Variants in BCAT1 observed in about 807,000 individuals in gnomAD.
BCAT1 encodes the protein branched-chain-amino-acid aminotransferase, cytosolic.
Under a neutral mutation model 52.4 loss-of-function variants are expected in BCAT1, and 48 were observed. The ratio of observed to expected loss-of-function variants is 0.92; its 90% CI spans 0.73 to 1.16. BCAT1 has a LOEUF of 1.16. BCAT1 is among the 50% of genes most tolerant of loss of function. The probability of loss-of-function intolerance (pLI) is 0.00; values close to 1 mark genes in which losing one functional copy is unlikely to be tolerated. For missense variants in BCAT1, 451 were observed against 457.1 expected, an observed-to-expected ratio of 0.99 and a Z score of 0.12; for synonymous variants, 167 against 161.3, an observed-to-expected ratio of 1.04 and a Z score of -0.27.
rs1465635800 is a variant in BCAT1, at chr12:24,813,467, C to T, written c.*4541G>A. The T allele has an allele frequency of 2.0e-5, 3 of 152,000 alleles. No homozygotes were observed. Among genetic ancestry groups the T allele is most frequent in the Non-Finnish European group, 4.4e-5 (3 of 67,898 alleles). 9.4% of individuals were successfully genotyped at this position (152,000 alleles called of 1,614,324 possible). ...AATAGATATTTTCTAGAAAAATTCACTCTAGGATCATTTTCTTTGTTTATT... is the reference window on the plus strand; with the variant it reads ...AATAGATATTTTCTAGAAAAATTCATTCTAGGATCATTTTCTTTGTTTATT... On this transcript the variant is annotated 3_prime_UTR_variant, in exon 11 of 11. Transcript: ENST00000261192.
intron 8 of BCAT1, chr12:24,834,437 A>G (rs1198497459): frequency 2.0e-6 from 2 of 984,004 alleles, no homozygotes; most frequent in Non-Finnish European, 2.4e-6. Context: ...TGTTTAAACT[A>G]TCTGTTTAAT....
intron 5 of BCAT1, among the ~76,000 whole-genome samples, chr12:24,872,502 TG>T (rs1942207545): frequency 6.6e-6 from 1 of 152,270 alleles, no homozygotes; most frequent in African/African-American, 2.4e-5. Context: ...TTATATTGTG[TG>T]CATCCAATGC....
intron 1 of BCAT1, among the ~76,000 whole-genome samples, chr12:24,912,398 T>C (rs946963788): frequency 6.6e-6 from 1 of 152,070 alleles, no homozygotes; most frequent in African/African-American, 2.4e-5. Context: ...TGGGCACCTG[T>C]AGTCCCAGCT....
chr12:24,827,036 A>G (rs1940431590), intron 10 of BCAT1, among the ~76,000 whole-genome samples: 1 of 152,028 alleles, frequency 6.6e-6, no homozygotes, highest in Non-Finnish European at 1.5e-5. Flanking sequence ...AGGTTTTTTG[A>G]GGGAGTCTTT....
upstream of BCAT1, chr12:24,949,133 C>A: frequency 1.7e-6 from 1 of 592,188 alleles, no homozygotes; most frequent in South Asian, 2.1e-5. Flanking sequence ...AGACTCGCGA[C>A]CTAGCGGATT....
chr12:24,890,057 A>G lies in BCAT1; in HGVS notation c.279+4218T>C, dbSNP rs561253308. Among the ~76,000 whole-genome samples, 6 of 152,302 alleles carry G rather than the reference A, an allele frequency of 3.9e-5. No homozygotes were observed. The East Asian group carries it at 1.2e-3, about 29-fold the overall frequency. On this transcript the variant is annotated intron_variant, in intron 3 of 10. Transcript: ENST00000261192. ...CCTCACCCTACACATCGCTTCATCT[A>G]TACACTTTGCAGTATCCTTTATAAT...
At position 24,826,396 on chromosome 12, in the gene BCAT1, C is replaced by A. The variant is rs146537190; in HGVS notation, c.1119+3427G>T. Among the ~76,000 whole-genome samples the A allele has an allele frequency of 2.5e-3, 375 of 152,264 alleles. 3 individuals are homozygous for A. Among genetic ancestry groups the A allele is most frequent in the African/African-American group, 8.6e-3 (357 of 41,548 alleles). On this transcript the variant is annotated intron_variant, in intron 10 of 10. Transcript: ENST00000261192. ...CAGCACCATTTATTGAAAAGACTGT[C>A]TTCCCCGTTACAGTTCTTGGCACCT...
chr12:24,824,217 C>T (rs1459064244), intron 10 of BCAT1, among the ~76,000 whole-genome samples: 1 of 139,150 alleles, frequency 7.2e-6, no homozygotes, highest in African/African-American at 2.7e-5. Context: ...ACAGCCAAAT[C>T]AAATGAGTTT....
chr12:24,901,699 C>A (rs1451969831), intron 2 of BCAT1, 115 bp downstream of exon 2: 15 of 1,094,890 alleles, frequency 1.4e-5, no homozygotes, highest in Non-Finnish European at 1.4e-5. Flanking sequence ...AGTCTGGCAA[C>A]ACAACCTAGG....
At chr12:24,873,351 T>C (rs1942237026) in intron 5 of BCAT1, among the ~76,000 whole-genome samples, 1 of 152,226 alleles carries the variant, frequency 6.6e-6, no homozygotes, top group African/African-American at 2.4e-5. Context: ...CTTTAGGAGA[T>C]ACTGATTAAA....
At chr12:24,896,218 T>C (rs1942957504) in intron 2 of BCAT1, among the ~76,000 whole-genome samples, 1 of 152,198 alleles carries the variant, frequency 6.6e-6, no homozygotes. Flanking sequence ...GTATAATAAG[T>C]TTATTTAAAG....
chr12:24,853,558 C>G (rs1219149351), intron 5 of BCAT1, among the ~76,000 whole-genome samples: 1 of 152,076 alleles, frequency 6.6e-6, no homozygotes, highest in East Asian at 1.9e-4. Flanking sequence ...AACATATACC[C>G]ATGTAACAAA....
intron 1 of BCAT1, among the ~76,000 whole-genome samples, chr12:24,909,590 C>A (rs985412086): frequency 1.3e-5 from 2 of 152,152 alleles, no homozygotes; most frequent in African/African-American, 4.8e-5. Flanking sequence ...AGAATCCTAC[C>A]TTTCTTCTTC....
chr12:24,855,274 G>A (rs916711115), intron 5 of BCAT1, among the ~76,000 whole-genome samples: 1 of 149,626 alleles, frequency 6.7e-6, no homozygotes, highest in African/African-American at 2.5e-5. Flanking sequence ...GGACATACTG[G>A]CTATGAGGTA....
At chr12:24,889,260 A>G (rs561424583) in intron 3 of BCAT1, among the ~76,000 whole-genome samples, 1 of 152,338 alleles carries the variant, frequency 6.6e-6, no homozygotes, top group Non-Finnish European at 1.5e-5. Flanking sequence ...GACGAACCCC[A>G]AGGTATATAC....
chr12:24,818,904 G>C (rs1178436205), intron 10 of BCAT1, among the ~76,000 whole-genome samples: 1 of 152,140 alleles, frequency 6.6e-6, no homozygotes, highest in Non-Finnish European at 1.5e-5. Flanking sequence ...AAAAATGCCT[G>C]TGTTTATAAT....
At chr12:24,905,609 G>A (rs964757632) in intron 1 of BCAT1, among the ~76,000 whole-genome samples, 3 of 152,158 alleles carry the variant, frequency 2.0e-5, no homozygotes, top group African/African-American at 7.2e-5. Context: ...TTTCCCTACA[G>A]TACGGTAATA....
At chr12:24,915,047 A>G (rs1313294041) in intron 1 of BCAT1, among the ~76,000 whole-genome samples, 1 of 152,230 alleles carries the variant, frequency 6.6e-6, no homozygotes, top group Non-Finnish European at 1.5e-5. Context: ...ATTTATTTGC[A>G]AAGTCAGTTT....
intron 2 of BCAT1, among the ~76,000 whole-genome samples, chr12:24,895,199 A>T (rs1336242557): frequency 6.6e-6 from 1 of 152,218 alleles, no homozygotes; most frequent in Non-Finnish European, 1.5e-5. Flanking sequence ...ATGGCCAAAC[A>T]TTAAGCGTAC....
Sources: gnomAD v4.1 joint callset for allele counts (sites outside exome capture counted in the v4.1 genomes callset) on GRCh38, gnomAD v4.1.1 for gene constraint, MANE v1.5 for transcripts, NCBI Gene and HGNC (gene_info 2026-07-23, HGNC 2026-07-21) for gene names.